Variants in UNG observed in about 807,000 individuals in gnomAD.
UNG encodes the protein uracil DNA glycosylase, also known as uracil-DNA glycosylase.
Under a neutral mutation model 36.5 loss-of-function variants are expected in UNG, and 34 were observed. The ratio of observed to expected loss-of-function variants is 0.93; its 90% CI spans 0.71 to 1.24. UNG has a LOEUF of 1.24. Ranked by LOEUF, UNG falls within the 50% of genes most tolerant of loss-of-function variation. The pLI is 0.00. For missense variants in UNG, 391 were observed against 397.6 expected (o/e 0.98, Z 0.14); for synonymous variants, 172 against 157.8 (o/e 1.09, Z -0.67).
At chr12:109,099,116 A>G (rs2042157590) in intron 2 of UNG, 73 bp from the exon 3 acceptor site, 3 of 1,397,580 alleles carry the variant, frequency 2.1e-6, no homozygotes, top group East Asian at 2.3e-5. Context: ...AACTTGCACT[A>G]GAAGCTTTCT....
chr12:109,104,448 C>G (rs1421211151), intron 6 of UNG, among the ~76,000 whole-genome samples: 1 of 152,164 alleles, frequency 6.6e-6, no homozygotes, highest in Non-Finnish European at 1.5e-5. Flanking sequence ...TGCTACCTCC[C>G]TCTTTCCCTT....
At chr12:109,098,405 A>C (rs2042149544) in intron 1 of UNG, 27 bp from the exon 2 acceptor site, 1 of 1,602,950 alleles carries the variant, frequency 6.2e-7, no homozygotes, top group Non-Finnish European at 8.5e-7. Flanking sequence ...GCAGCTCTTG[A>C]GCCGCCTCTG....
In UNG at chr12:109,098,059, GT is replaced by G. The variant is rs577531867; in HGVS notation, c.132+249del. 3,515 of 1,380,058 alleles carry G rather than the reference GT, an allele frequency of 2.5e-3. 14 individuals carry two copies. Among genetic ancestry groups the G allele is most frequent in the Admixed American group, 4.8e-3 (153 of 32,164 alleles). The allele number at this position is 1,380,058 out of a possible 1,614,324, so 85.5% of individuals were successfully genotyped here. A position where few individuals can be genotyped will look rare whatever the true frequency, so the allele number is the denominator to read the frequency against. On this transcript the variant is annotated intron_variant, in intron 1 of 6. Transcript: ENST00000242576. ...GCGCGCCGCAGGCCCTCCTGGCTCG[GT>G]GCGCTGTCCAATCAGAGGGGAGAGG...
chr12:109,098,104 G>C, intron 1 of UNG: 3 of 1,385,512 alleles, frequency 2.2e-6, no homozygotes, highest in Non-Finnish European at 2.8e-6. Context: ...CCCAGAGGGA[G>C]GTTTTTTGCC....
chr12:109,098,188 C>T (rs1566119588), intron 1 of UNG: 10 of 1,422,782 alleles, frequency 7.0e-6, no homozygotes, highest in East Asian at 2.5e-5. Flanking sequence ...GGTTCCCAGT[C>T]ACCGCGACGC....
In UNG at chr12:109,109,767, A is replaced by G; in HGVS notation, c.802-62A>G. On this transcript the variant is annotated intron_variant, in intron 6 of 6. Transcript: ENST00000242576. Reference sequence around the variant, plus strand: ...CACTGCAGCAAGACTCTGTCTCAAAAAAAAAAAAAAAAAATTTAAAAAGTC... The same window carrying G: ...CACTGCAGCAAGACTCTGTCTCAAAGAAAAAAAAAAAAAATTTAAAAAGTC... 3 of 1,565,966 alleles carry G rather than the reference A, an allele frequency of 1.9e-6. No homozygotes were observed. The South Asian group carries it at 3.4e-5, about 18-fold the overall frequency.
intron 6 of UNG, 23 bp from the exon 7 acceptor site, chr12:109,109,806 C>T: frequency 6.2e-7 from 1 of 1,612,408 alleles, no homozygotes; most frequent in Non-Finnish European, 8.5e-7. Context: ...AATCTGCCAC[C>T]ATTTATTCTT....
chr12:109,106,876 C>A (rs1161601089), intron 6 of UNG, among the ~76,000 whole-genome samples: 2 of 1,938 alleles, frequency 1.0e-3, no homozygotes, highest in East Asian at 0.029. Flanking sequence ...AAAAAAAAAA[C>A]ATATATATAT....
intron 1 of UNG, 28 bp downstream of exon 1, chr12:109,097,839 G>T (rs745739198): frequency 2.0e-6 from 3 of 1,503,020 alleles, no homozygotes; most frequent in Non-Finnish European, 2.7e-6. Flanking sequence ...CCGGGGCTAG[G>T]GGGTGAAGGG....
rs1490625623 is a variant in UNG at position 109,098,006 on chromosome 12, C to A, written c.132+195C>A. 3 of 1,261,562 alleles carry A rather than the reference C, an allele frequency of 2.4e-6. No individual in the cohort carries two copies. In the African/African-American group the frequency reaches 4.6e-5, roughly 20 times the overall value. The allele number at this position is 1,261,562 out of a possible 1,614,324, so 78.1% of individuals were successfully genotyped here. ...ATGCTAAAGGGCCAGCCAATGGGAA[C>A]GCGTCTCGGGGCCCATGGCGCCAAT... On this transcript the variant is annotated intron_variant, in intron 1 of 6. Coordinates refer to ENST00000242576, the MANE Select transcript of UNG (RefSeq NM_080911.3).
chr12:109,108,760 A>G (rs1286570590), intron 6 of UNG, among the ~76,000 whole-genome samples: 1 of 152,162 alleles, frequency 6.6e-6, no homozygotes, highest in African/African-American at 2.4e-5. Context: ...TCTTCTGTGT[A>G]GCTAGGACTG....
Position 109,098,575 on chromosome 12 carries a change from G to C in UNG, c.276G>C (p.Val92=). ...GACTCGCGGCCCGCAACGTGCCCGT[G>C]GGCTTTGGAGAGAGCTGGAAGAAGC... is the stretch of plus-strand genomic sequence containing the variant. ...LLRLAARNVP[V]GFGESWKKHL... Residue 92 remains valine, a synonymous_variant, in exon 2 of 7, where the codon GTG becomes GTC. Coordinates refer to ENST00000242576, the MANE Select transcript of UNG (RefSeq NM_080911.3). The C allele has an allele frequency of 2.5e-6, 4 of 1,613,476 alleles. No homozygotes were observed. The highest frequency in any genetic ancestry group is 2.2e-5 in the South Asian group (2 of 91,084).
In UNG at chr12:109,098,077, G is replaced by C; in HGVS notation, c.132+266G>C. 4 of 1,388,388 alleles carry C rather than the reference G, an allele frequency of 2.9e-6. No homozygotes were observed. In the East Asian group the frequency reaches 8.0e-5, roughly 28 times the overall value. The allele number at this position is 1,388,388 out of a possible 1,614,324, so 86.0% of individuals were successfully genotyped here. A position where few individuals can be genotyped will look rare whatever the true frequency, so the allele number is the denominator to read the frequency against. ...TGGCTCGGTGCGCTGTCCAATCAGA[G>C]GGGAGAGGGGGCGGGACCCAGAGGG... is the stretch of plus-strand genomic sequence containing the variant. On this transcript the variant is annotated intron_variant, in intron 1 of 6. Coordinates refer to ENST00000242576, the MANE Select transcript of UNG (RefSeq NM_080911.3).
chr12:109,103,612 G>A lies in UNG; in HGVS notation c.801+1G>A. Reference sequence around the variant, plus strand: ...GAAGAAGGGCAGTGCCATTGATAGGGTATGTTTTGTTTTCTTTCTTTTTTT... The same window carrying A: ...GAAGAAGGGCAGTGCCATTGATAGGATATGTTTTGTTTTCTTTCTTTTTTT... On this transcript the variant is annotated splice_donor_variant, in intron 6 of 6. Transcript: ENST00000242576. LOFTEE classifies it high-confidence loss of function. 1 of 1,608,796 alleles carries A rather than the reference G, an allele frequency of 6.2e-7. No individual in the cohort carries two copies. Among genetic ancestry groups the A allele is most frequent in the Non-Finnish European group, 8.5e-7 (1 of 1,177,808 alleles).
In UNG at chr12:109,110,097, C is replaced by T; in HGVS notation, c.*128C>T. 7.4e-7 allele frequency: 1 copy of T among 1,345,350 alleles called. No homozygotes were observed. Among genetic ancestry groups the T allele is most frequent in the Non-Finnish European group, 1.0e-6 (1 of 970,242 alleles). The allele number at this position is 1,345,350 out of a possible 1,614,324, so 83.3% of individuals were successfully genotyped here. A position where few individuals can be genotyped will look rare whatever the true frequency, so the allele number is the denominator to read the frequency against. On this transcript the variant is annotated 3_prime_UTR_variant, in exon 7 of 7. Transcript: ENST00000242576. ...AGGGGGAAAAGCTTCCAGAAAGCAGCCATGAACCAGGCTGTCCAGGAATGG... is the reference window on the plus strand; with the variant it reads ...AGGGGGAAAAGCTTCCAGAAAGCAGTCATGAACCAGGCTGTCCAGGAATGG...
chr12:109,097,623 A>T lies in UNG; in HGVS notation c.-57A>T. The T allele has an allele frequency of 1.3e-6, 2 of 1,577,070 alleles. No individual in the cohort carries two copies. The highest frequency in any genetic ancestry group is 1.7e-6 in the Non-Finnish European group (2 of 1,161,182). ...ATTGCTGACCGCCACAGCCACAGCC[A>T]GGGCTAGCCTCGCCGGTTCCCGGGT... On this transcript the variant is annotated 5_prime_UTR_variant, in exon 1 of 7. Transcript: ENST00000242576.
At position 109,101,425 on chromosome 12, in the gene UNG, G is replaced by A. The variant is rs188007400; in HGVS notation, c.436-477G>A. Among the ~76,000 whole-genome samples, 299 of 151,986 alleles carry A rather than the reference G, an allele frequency of 2.0e-3. 4 individuals are homozygous for A. The highest frequency in any genetic ancestry group is 6.9e-3 in the African/African-American group (285 of 41,482). On this transcript the variant is annotated intron_variant, in intron 3 of 6. Transcript: ENST00000242576. ...TTAATTCATCGAAAAGTAACTGGGGGCTAGGCACAGTGGCTCATGCCTGTA... is the reference window on the plus strand; with the variant it reads ...TTAATTCATCGAAAAGTAACTGGGGACTAGGCACAGTGGCTCATGCCTGTA...
intron 3 of UNG, among the ~76,000 whole-genome samples, chr12:109,100,686 A>G (rs1261883233): frequency 6.6e-6 from 1 of 152,250 alleles, no homozygotes; most frequent in South Asian, 2.1e-4. Flanking sequence ...ACCTATGAGG[A>G]TCAGATGGGC....
chr12:109,104,420 C>T (rs1185362938), intron 6 of UNG, among the ~76,000 whole-genome samples: 1 of 152,036 alleles, frequency 6.6e-6, no homozygotes, highest in African/African-American at 2.4e-5. Context: ...GCTCCCCTCC[C>T]TACATCTTCC....
Sources: allele counts gnomAD v4.1 joint callset (sites outside exome capture counted in the v4.1 genomes callset), GRCh38; gene constraint gnomAD v4.1.1; transcripts MANE v1.5; gene names NCBI Gene and HGNC (gene_info 2026-07-23, HGNC 2026-07-21).